The following CRISP1 variants were observed in gnomAD, a reference collection of about 807,000 sequenced individuals.
The protein encoded by CRISP1 is cysteine rich secretory protein 1.
In CRISP1, 44 loss-of-function variants were observed where a neutral mutation model predicts 33.1. That is an observed-to-expected ratio of 1.33 (90% CI 1.05 to 1.71). The LOEUF (loss-of-function observed/expected upper bound fraction) is 1.71. Among genes scored for constraint, CRISP1 ranks in the 40% most tolerant of loss-of-function variants. CRISP1 has a pLI of 0.00. For missense variants in CRISP1, 390 were observed against 301.2 expected (o/e 1.29, Z -2.18); for synonymous variants, 103 against 98.7 (o/e 1.04, Z -0.26).
At chr6:49,866,358 A>G (rs1430373679) in intron 1 of CRISP1, 71 bp downstream of exon 1, 2 of 152,164 alleles carry the variant, frequency 1.3e-5, no homozygotes, top group Non-Finnish European at 2.9e-5. Flanking sequence ...CATTATAACA[A>G]TGCTTTTGGG....
chr6:49,857,268 T>A, intron 2 of CRISP1, 67 bp downstream of exon 2: 2 of 1,482,882 alleles, frequency 1.3e-6, no homozygotes, highest in East Asian at 2.4e-5. Flanking sequence ...ACATGGTGAA[T>A]TGTATTAAAG....
chr6:49,847,948 T>A (rs1314922486), intron 4 of CRISP1, among the ~76,000 whole-genome samples: 1 of 152,092 alleles, frequency 6.6e-6, no homozygotes, highest in African/African-American at 2.4e-5. Context: ...AATACTGAGA[T>A]TTTTTATTCA....
At chr6:49,843,549 T>A (rs1366241329) in intron 5 of CRISP1, among the ~76,000 whole-genome samples, 2 of 152,188 alleles carry the variant, frequency 1.3e-5, no homozygotes, top group African/African-American at 4.8e-5. Context: ...GGCACTCTAA[T>A]CTTGGACTTC....
chr6:49,845,445 G>A (rs932422816), intron 5 of CRISP1, among the ~76,000 whole-genome samples: 1 of 152,108 alleles, frequency 6.6e-6, no homozygotes, highest in Admixed American at 6.6e-5. Context: ...ACCCAGCTGT[G>A]GTATTTTGTT....
At chr6:49,855,178 G>A (rs1176750291) in intron 2 of CRISP1, among the ~76,000 whole-genome samples, 1 of 151,960 alleles carries the variant, frequency 6.6e-6, no homozygotes, top group Non-Finnish European at 1.5e-5. Flanking sequence ...CTACTGTCTA[G>A]CTTTCAACTG....
At chr6:49,845,388 C>T (rs1024536394) in intron 5 of CRISP1, among the ~76,000 whole-genome samples, 1 of 152,110 alleles carries the variant, frequency 6.6e-6, no homozygotes, top group African/African-American at 2.4e-5. Flanking sequence ...AGATCATAGA[C>T]TTCTAGGATA....
chr6:49,862,313 T>G lies in CRISP1; in HGVS notation c.-3+4116A>C, dbSNP rs189567740. Among the ~76,000 whole-genome samples the G allele has an allele frequency of 9.2e-5, 14 of 152,140 alleles. No individual in the cohort carries two copies. The East Asian group carries it at 2.7e-3, about 29-fold the overall frequency. On this transcript the variant is annotated intron_variant, in intron 1 of 7. Coordinates refer to ENST00000335847, the MANE Select transcript of CRISP1 (RefSeq NM_001131.3). Reference sequence around the variant, plus strand: ...TTCTACAAGGAAAACTGAAAAACTCTTATGAAAGAAATTGAAAAGGACACA... The same window carrying G: ...TTCTACAAGGAAAACTGAAAAACTCGTATGAAAGAAATTGAAAAGGACACA...
Position 49,835,792 on chromosome 6 carries a change from A to G in CRISP1, c.623-349T>C, listed in dbSNP as rs1299859501. 4.8e-5 allele frequency among the ~76,000 whole-genome samples: 6 copies of G among 124,710 alleles called. No individual in the cohort carries two copies. The East Asian group carries it at 9.7e-4, about 20-fold the overall frequency. The allele number at this position is 124,710 out of a possible 152,430, so 81.8% of individuals were successfully genotyped here. A position where few individuals can be genotyped will look rare whatever the true frequency, so the allele number is the denominator to read the frequency against. On this transcript the variant is annotated intron_variant, in intron 7 of 7. Transcript: ENST00000335847. ...TTCATAATTTTTTGTCTAATTATCT[A>G]ATGCTGCATTATTTAATGGTTAAAG...
At chr6:49,846,756 G>T in intron 4 of CRISP1, 88 bp from the exon 5 acceptor site, 2 of 1,252,660 alleles carry the variant, frequency 1.6e-6, no homozygotes, top group East Asian at 4.9e-5. Flanking sequence ...TTTATGAATG[G>T]TTCACTGATC....
Position 49,873,362 on chromosome 6 carries a change from T to C in CRISP1, c.-3+3647A>G, listed in dbSNP as rs576008892. Among the ~76,000 whole-genome samples the C allele has an allele frequency of 1.8e-4, 28 of 152,204 alleles. No individual in the cohort carries two copies. In the South Asian group the frequency reaches 5.8e-3, roughly 32 times the overall value. ...GGAAATGTTGCTTAATTTTTAAAAC[T>C]AAATGCCATTTAATTTGATTAATGA... is the stretch of plus-strand genomic sequence containing the variant. On this transcript the variant is annotated intron_variant, in intron 1 of 7. Coordinates refer to the CRISP1 transcript ENST00000505118.
chr6:49,852,172 G>A lies in CRISP1; in HGVS notation c.67-43C>T, dbSNP rs746284414. On this transcript the variant is annotated intron_variant, in intron 2 of 7. Transcript: ENST00000335847. Reference sequence around the variant, plus strand: ...TTAATTAGTGTTACTTCTTTTAAGTGGAATTTGTCACATATATTTTGCAGA... The same window carrying A: ...TTAATTAGTGTTACTTCTTTTAAGTAGAATTTGTCACATATATTTTGCAGA... 19 of 1,588,852 alleles carry A rather than the reference G, an allele frequency of 1.2e-5. No individual in the cohort carries two copies. In the South Asian group the frequency reaches 1.5e-4, roughly 12 times the overall value.
rs752880951 is a variant in CRISP1 at position 49,846,663 on chromosome 6, A to T, written c.292T>A (p.Phe98Ile). ...GTCATATGCATATTTTCTCCACAAA[A>T]GGTATCTGAAATGAGAAAACGGGCT... ...NPLERRLPNT[F>I]CGENMHMTSY... The change falls in exon 5 of 8, where the codon TTT (phenylalanine) becomes ATT (isoleucine). Residue 98 changes from phenylalanine (F) to isoleucine (I), a missense_variant. Coordinates refer to ENST00000335847, the MANE Select transcript of CRISP1 (RefSeq NM_001131.3). 6.2e-7 allele frequency: 1 copy of T among 1,613,174 alleles called. No individual in the cohort carries two copies. Among genetic ancestry groups the T allele is most frequent in the East Asian group, 2.2e-5 (1 of 44,852 alleles).
At chr6:49,858,214 G>C (rs939903043) in intron 1 of CRISP1, among the ~76,000 whole-genome samples, 6 of 152,106 alleles carry the variant, frequency 3.9e-5, no homozygotes, top group Non-Finnish European at 8.8e-5. Context: ...TTATGAGTCA[G>C]ACAAATCAGA....
chr6:49,867,563 T>A (rs552381987), upstream of CRISP1, among the ~76,000 whole-genome samples: 1 of 152,136 alleles, frequency 6.6e-6, no homozygotes, highest in South Asian at 2.1e-4. Context: ...GGGTGAGGGT[T>A]AGGAAATAAA....
intron 6 of CRISP1, among the ~76,000 whole-genome samples, chr6:49,839,971 A>G (rs777689632): frequency 3.9e-5 from 6 of 152,186 alleles, no homozygotes; most frequent in Non-Finnish European, 7.3e-5. Context: ...AACATTTTGT[A>G]TTGTGCTACA....
intron 2 of CRISP1, among the ~76,000 whole-genome samples, chr6:49,853,979 A>G (rs989425292): frequency 7.2e-5 from 11 of 152,138 alleles, no homozygotes; most frequent in African/African-American, 2.7e-4. Flanking sequence ...ATCAATTCTA[A>G]TGAATTGTTT....
chr6:49,873,544 G>T (rs1016831221), intron 1 of CRISP1, among the ~76,000 whole-genome samples: 1 of 151,900 alleles, frequency 6.6e-6, no homozygotes, highest in African/African-American at 2.4e-5. Flanking sequence ...ACTTGAAATG[G>T]TTTCTCACTA....
chr6:49,857,357 A>C lies in CRISP1; in HGVS notation c.44T>G (p.Leu15Ter). 6.2e-7 allele frequency: 1 copy of C among 1,613,104 alleles called. No individual in the cohort carries two copies. Among genetic ancestry groups the C allele is most frequent in the Non-Finnish European group, 8.5e-7 (1 of 1,179,296 alleles). ...TACTTTCATGGACAACATAGGCAGTAAGCAAGCAGCAGCAACCAAAAACAA... is the reference window on the plus strand; with the variant it reads ...TACTTTCATGGACAACATAGGCAGTCAGCAAGCAGCAGCAACCAAAAACAA... ...HLLFLVAAAC[L>*]LPMLSMKKKS... The change falls in exon 2 of 8, where the codon TTA becomes TGA. Residue 15 changes from leucine (L) to a stop codon, truncating the protein, a stop_gained. Transcript: ENST00000335847. LOFTEE classifies it high-confidence loss of function.
upstream of CRISP1, among the ~76,000 whole-genome samples, chr6:49,867,569 A>G (rs1771828018): frequency 6.6e-6 from 1 of 152,096 alleles, no homozygotes; most frequent in South Asian, 2.1e-4. Context: ...GGGTTAGGAA[A>G]TAAAAATTAA....
Sources: allele counts gnomAD v4.1 joint callset (sites outside exome capture counted in the v4.1 genomes callset), GRCh38; gene constraint gnomAD v4.1.1; transcripts MANE v1.5; gene names NCBI Gene and HGNC (gene_info 2026-07-23, HGNC 2026-07-21).